The following AMPH variants were observed in gnomAD, a reference collection of about 807,000 sequenced individuals.
AMPH encodes the protein amphiphysin.
In AMPH, 49 loss-of-function variants were observed where a neutral mutation model predicts 99.1. The observed-to-expected ratio is 0.49, with a 90% CI of 0.39 to 0.63. The LOEUF is 0.63. AMPH is among the 20% of genes least tolerant of loss of function. The pLI, the probability that AMPH is intolerant of heterozygous loss-of-function variation, is 0.00. For missense variants in AMPH, 759 were observed against 863.4 expected (o/e 0.88, Z 1.52); for synonymous variants, 314 against 317.3 (o/e 0.99, Z 0.11).
intron 2 of AMPH, among the ~76,000 whole-genome samples, chr7:38,527,263 G>T (rs1038793361): frequency 6.6e-6 from 1 of 152,222 alleles, no homozygotes; most frequent in Non-Finnish European, 1.5e-5. Flanking sequence ...GTAAATTTTA[G>T]AATAAGTTTA....
chr7:38,518,818 T>C (rs1201297820), intron 2 of AMPH, among the ~76,000 whole-genome samples: 19 of 152,316 alleles, frequency 1.2e-4, no homozygotes, highest in African/African-American at 4.3e-4. Flanking sequence ...ATGGAATAAA[T>C]GTATTTTGAA....
chr7:38,539,874 T>C (rs1790748729), intron 1 of AMPH, among the ~76,000 whole-genome samples: 1 of 152,220 alleles, frequency 6.6e-6, no homozygotes, highest in Non-Finnish European at 1.5e-5. Context: ...GGAAGACTGA[T>C]CTGCTATATA....
chr7:38,408,586 C>T (rs1785122469), intron 17 of AMPH, among the ~76,000 whole-genome samples: 1 of 151,816 alleles, frequency 6.6e-6, no homozygotes, highest in Admixed American at 6.6e-5. Context: ...ATGGTCAAAC[C>T]CTGTCTCTAC....
At chr7:38,598,851 C>T (rs1433907184) in intron 1 of AMPH, among the ~76,000 whole-genome samples, 2 of 151,892 alleles carry the variant, frequency 1.3e-5, no homozygotes, top group Non-Finnish European at 2.9e-5. Flanking sequence ...TCTTGATATT[C>T]CTTTCTCCTC....
chr7:38,574,242 A>C (rs2129053295), intron 1 of AMPH, among the ~76,000 whole-genome samples: 1 of 152,346 alleles, frequency 6.6e-6, no homozygotes, highest in East Asian at 1.9e-4. Flanking sequence ...ACAGAGATGA[A>C]GCAGTCTGTT....
intron 17 of AMPH, among the ~76,000 whole-genome samples, chr7:38,394,825 C>T (rs374413787): frequency 1.3e-5 from 2 of 152,340 alleles, no homozygotes; most frequent in South Asian, 4.1e-4. Context: ...TAATCAGAGC[C>T]TCACAAGAAT....
chr7:38,569,603 A>C (rs1467885911), intron 1 of AMPH, among the ~76,000 whole-genome samples: 2 of 152,046 alleles, frequency 1.3e-5, no homozygotes, highest in Non-Finnish European at 2.9e-5. Context: ...AATTGATATA[A>C]CATATATATA....
chr7:38,533,394 C>A lies in AMPH; in HGVS notation c.150+1537G>T, dbSNP rs537998116. On this transcript the variant is annotated intron_variant, in intron 2 of 20. Transcript: ENST00000356264. ...TGTTCAGATATAACACGTTTGCTAT[C>A]CCATTCATGGTAAACTGACTACCTA... Among the ~76,000 whole-genome samples the A allele has an allele frequency of 2.0e-5, 3 of 152,298 alleles. No homozygotes were observed. The East Asian group carries it at 5.8e-4, about 29-fold the overall frequency.
At chr7:38,610,466 TA>T (rs1237280205) in intron 1 of AMPH, among the ~76,000 whole-genome samples, 1 of 151,228 alleles carries the variant, frequency 6.6e-6, no homozygotes, top group African/African-American at 2.4e-5. Flanking sequence ...CACATACAAA[TA>T]AAAAGCCAAT....
At chr7:38,570,073 GA>G (rs1484478070) in intron 1 of AMPH, among the ~76,000 whole-genome samples, 2 of 152,150 alleles carry the variant, frequency 1.3e-5, no homozygotes, top group Non-Finnish European at 2.9e-5. Flanking sequence ...AACCTGCCCG[GA>G]AGTTGCCTTA....
chr7:38,514,563 C>T (rs1055666369), intron 2 of AMPH, among the ~76,000 whole-genome samples: 33 of 152,124 alleles, frequency 2.2e-4, no homozygotes, highest in Non-Finnish European at 3.8e-4. Flanking sequence ...GTGATTAGGC[C>T]ATGATGGCTT....
intron 17 of AMPH, among the ~76,000 whole-genome samples, chr7:38,394,602 G>A (rs77532384): frequency 0.058 from 8,832 of 152,194 alleles, 355 homozygotes; most frequent in East Asian, 0.19. Context: ...ATTGAATCTC[G>A]GGACCTTAAA....
At chr7:38,464,140 A>T (rs1487185540) in intron 9 of AMPH, 2 of 1,289,590 alleles carry the variant, frequency 1.6e-6, no homozygotes, top group Non-Finnish European at 2.0e-6. Context: ...ACATTCATTA[A>T]GTGGTCATGG....
At chr7:38,489,799 G>C (rs1445681955) in intron 5 of AMPH, among the ~76,000 whole-genome samples, 1 of 152,060 alleles carries the variant, frequency 6.6e-6, no homozygotes, top group Non-Finnish European at 1.5e-5. Flanking sequence ...AAGGGCTAGA[G>C]AGAGTTGGAA....
chr7:38,567,855 C>T (rs1791803224), intron 1 of AMPH, among the ~76,000 whole-genome samples: 1 of 152,128 alleles, frequency 6.6e-6, no homozygotes, highest in African/African-American at 2.4e-5. Flanking sequence ...ATTATTATGA[C>T]TCTCCATTTG....
intron 1 of AMPH, among the ~76,000 whole-genome samples, chr7:38,586,205 C>T (rs1319212598): frequency 6.6e-6 from 1 of 152,088 alleles, no homozygotes; most frequent in East Asian, 1.9e-4. Flanking sequence ...TTCCAACGAA[C>T]ACGTAAGTAA....
chr7:38,602,282 G>C (rs1584293001), intron 1 of AMPH, among the ~76,000 whole-genome samples: 1 of 152,162 alleles, frequency 6.6e-6, no homozygotes, highest in Admixed American at 6.5e-5. Context: ...TTTCTAAATT[G>C]ATTTCTGTGT....
At chr7:38,565,399 C>A (rs949153184) in intron 1 of AMPH, among the ~76,000 whole-genome samples, 4 of 152,106 alleles carry the variant, frequency 2.6e-5, no homozygotes, top group African/African-American at 9.7e-5. Flanking sequence ...AGTCTGAGAT[C>A]GAGGTGCCAT....
chr7:38,462,609 T>C (rs1490835138), intron 10 of AMPH, among the ~76,000 whole-genome samples: 1 of 152,202 alleles, frequency 6.6e-6, no homozygotes, highest in African/African-American at 2.4e-5. Context: ...TTCTTGGCAG[T>C]ACCTGCCAAC....
Sources: allele counts gnomAD v4.1 joint callset (sites outside exome capture counted in the v4.1 genomes callset), GRCh38; gene constraint gnomAD v4.1.1; transcripts MANE v1.5; gene names NCBI Gene and HGNC (gene_info 2026-07-23, HGNC 2026-07-21).